Variants in SOS1 observed in about 807,000 individuals in gnomAD.
The protein encoded by SOS1 is SOS Ras/Rac guanine nucleotide exchange factor 1, also known as son of sevenless homolog 1.
SOS1 carries 25 observed loss-of-function variants against 157.6 expected under a neutral mutation model. The ratio of observed to expected loss-of-function variants is 0.16; its 90% CI spans 0.12 to 0.22. The LOEUF (loss-of-function observed/expected upper bound fraction) is 0.22, where lower values mean the gene tolerates loss of function less well. Among genes scored for constraint, SOS1 ranks in the 10% least tolerant of loss-of-function variants. SOS1 has a pLI of 1.00. For missense variants in SOS1, 1,237 were observed against 1,599.1 expected, an observed-to-expected ratio of 0.77 and a Z score of 3.86; for synonymous variants, 528 against 534.0, an observed-to-expected ratio of 0.99 and a Z score of 0.16.
At chr2:39,078,158 T>C (rs888922899) in intron 1 of SOS1, among the ~76,000 whole-genome samples, 3 of 152,164 alleles carry the variant, frequency 2.0e-5, no homozygotes, top group Non-Finnish European at 4.4e-5. Flanking sequence ...CCATAAATAT[T>C]AGAAAGGTGC....
At chr2:39,061,073 GGAAGGAAAGA>G (rs547750462) in intron 2 of SOS1, among the ~76,000 whole-genome samples, 2 of 151,960 alleles carry the variant, frequency 1.3e-5, no homozygotes, top group South Asian at 4.2e-4. Context: ...ATTGTTTTGA[GGAAGGAAAGA>G]AGAGGAAAGA....
intron 2 of SOS1, among the ~76,000 whole-genome samples, chr2:39,062,284 GGTGCTCGCTTGTA>G (rs1311728414): frequency 1.3e-5 from 2 of 151,852 alleles, no homozygotes; most frequent in African/African-American, 4.8e-5. Context: ...CAAGCATGGT[GGTGCTCGCTTGTA>G]GTCCCAGCTA....
chr2:38,995,214 T>C lies in SOS1; in HGVS notation c.3255A>G (p.Thr1085=). 6.2e-7 allele frequency: 1 copy of C among 1,614,012 alleles called. No individual in the cohort carries two copies. The highest frequency in any genetic ancestry group is 8.5e-7 in the Non-Finnish European group (1 of 1,179,932). Residue 1085 remains threonine, a synonymous_variant, in exon 20 of 23, where the codon ACA becomes ACG. Transcript: ENST00000402219. ...STASAPNSPR[T]PLTPPPASGA... The stretch of plus-strand genomic sequence containing the variant: ...CAGAAGCAGGCGGAGGTGTTAACGG[T>C]GTTCTTGGAGAATTTGGTGCAGATG...
intron 6 of SOS1, among the ~76,000 whole-genome samples, chr2:39,041,866 CTTCA>C (rs1398558127): frequency 1.3e-5 from 2 of 152,082 alleles, no homozygotes; most frequent in Non-Finnish European, 2.9e-5. Context: ...AAGTTCTACT[CTTCA>C]TTTTTAGATT....
intron 8 of SOS1, among the ~76,000 whole-genome samples, chr2:39,030,622 G>A (rs769870764): frequency 3.9e-5 from 6 of 152,068 alleles, no homozygotes; most frequent in Non-Finnish European, 5.9e-5. Context: ...AGCCAATGTA[G>A]CCAGTGTATA....
At chr2:39,098,960 A>G (rs1672870636) in intron 1 of SOS1, among the ~76,000 whole-genome samples, 1 of 152,120 alleles carries the variant, frequency 6.6e-6, no homozygotes, top group South Asian at 2.1e-4. Context: ...GGATCTGAAC[A>G]GATATTTCTT....
At chr2:38,994,945 A>G (rs371360540) in intron 20 of SOS1, among the ~76,000 whole-genome samples, 178 bp downstream of exon 20, 16 of 152,356 alleles carry the variant, frequency 1.1e-4, no homozygotes, top group African/African-American at 2.9e-4. Flanking sequence ...GATTTTTTAG[A>G]AATTTCAAGT....
At chr2:39,025,100 GA>G in intron 8 of SOS1, among the ~76,000 whole-genome samples, 1 of 152,284 alleles carries the variant, frequency 6.6e-6, no homozygotes, top group East Asian at 1.9e-4. Flanking sequence ...TTACCAAAAG[GA>G]AAAGTTAAGA....
intron 6 of SOS1, 115 bp downstream of exon 6, chr2:39,051,029 T>C: frequency 2.1e-6 from 2 of 950,922 alleles, no homozygotes; most frequent in Non-Finnish European, 3.4e-6. Flanking sequence ...CAATAACAGA[T>C]AAATAGTCAA....
intron 17 of SOS1, among the ~76,000 whole-genome samples, chr2:38,999,706 A>T (rs1317914782): frequency 1.3e-5 from 2 of 152,230 alleles, no homozygotes; most frequent in Non-Finnish European, 2.9e-5. Context: ...TCTGACAAAC[A>T]CGTCCATAAG....
chr2:39,088,019 C>T (rs1422609785), intron 1 of SOS1, among the ~76,000 whole-genome samples: 1 of 149,994 alleles, frequency 6.7e-6, no homozygotes, highest in Admixed American at 6.7e-5. Flanking sequence ...TATTAGTAGT[C>T]ATTATTCACA....
chr2:39,061,249 T>TAAAAAA (rs68086036), intron 2 of SOS1, among the ~76,000 whole-genome samples: 1 of 117,462 alleles, frequency 8.5e-6, no homozygotes, highest in Admixed American at 8.9e-5. Context: ...TTCGTAGGGT[T>TAAAAAA]AAAAAAAAAA....
At chr2:39,089,308 T>A (rs996132213) in intron 1 of SOS1, among the ~76,000 whole-genome samples, 1 of 152,038 alleles carries the variant, frequency 6.6e-6, no homozygotes, top group African/African-American at 2.4e-5. Context: ...CATGGGCAGA[T>A]CACCTTGAGG....
intron 8 of SOS1, 40 bp downstream of exon 8, chr2:39,035,172 A>C: frequency 1.4e-6 from 2 of 1,407,664 alleles, no homozygotes; most frequent in Non-Finnish European, 2.0e-6. Context: ...AAAAATTCAC[A>C]CTTGAATATG....
intron 15 of SOS1, among the ~76,000 whole-genome samples, chr2:39,008,277 G>A (rs890587321): frequency 6.6e-6 from 1 of 152,136 alleles, no homozygotes; most frequent in Admixed American, 6.5e-5. Flanking sequence ...GAAGAGGCGG[G>A]TAAGAAGACC....
At chr2:39,010,823 C>T (rs1558468072) in intron 14 of SOS1, 120 bp from the exon 15 acceptor site, 2 of 755,622 alleles carry the variant, frequency 2.6e-6, no homozygotes, top group East Asian at 5.3e-5. Context: ...CTTATACCAA[C>T]AGAAAGGTCT....
At chr2:39,019,168 G>A (rs1461612774) in intron 10 of SOS1, among the ~76,000 whole-genome samples, 1 of 151,656 alleles carries the variant, frequency 6.6e-6, no homozygotes, top group African/African-American at 2.4e-5. Flanking sequence ...TCCCAGGCAA[G>A]GGAAACACCT....
chr2:39,081,036 T>TA (rs902128978), intron 1 of SOS1, among the ~76,000 whole-genome samples: 1 of 150,148 alleles, frequency 6.7e-6, no homozygotes, highest in Non-Finnish European at 1.5e-5. Flanking sequence ...AAAAAAATAA[T>TA]AAAAAAATTA....
intron 15 of SOS1, among the ~76,000 whole-genome samples, chr2:39,009,133 A>T (rs1669378606): frequency 2.0e-5 from 3 of 152,164 alleles, no homozygotes; most frequent in African/African-American, 7.2e-5. Context: ...ATGTGCATCG[A>T]AGAGAGGATA....
Sources: allele counts gnomAD v4.1 joint callset (sites outside exome capture counted in the v4.1 genomes callset), GRCh38; gene constraint gnomAD v4.1.1; transcripts MANE v1.5; gene names NCBI Gene and HGNC (gene_info 2026-07-23, HGNC 2026-07-21).